The following MSI2 variants were observed in gnomAD, a reference collection of about 807,000 sequenced individuals.
MSI2 encodes RNA-binding protein Musashi homolog 2.
In MSI2, 17 loss-of-function variants were observed where a neutral mutation model predicts 45.6. The ratio of observed to expected loss-of-function variants is 0.37; its 90% CI spans 0.26 to 0.56. MSI2 has a LOEUF of 0.56. Ranked by LOEUF, MSI2 falls within the 20% of genes least tolerant of loss-of-function variation. MSI2 has a pLI of 0.77. For synonymous variants in MSI2, 156 were observed against 158.2 expected, an observed-to-expected ratio of 0.99 and a Z score of 0.11; for missense variants, 293 against 444.2, an observed-to-expected ratio of 0.66 and a Z score of 3.06.
chr17:57,319,163 G>T (rs568282705), intron 5 of MSI2, among the ~76,000 whole-genome samples: 1 of 152,368 alleles, frequency 6.6e-6, no homozygotes, highest in East Asian at 1.9e-4. Context: ...TTAGATGGTT[G>T]TAAAGGAGGT....
At chr17:57,466,588 G>C (rs1006299948) in intron 6 of MSI2, among the ~76,000 whole-genome samples, 2 of 151,464 alleles carry the variant, frequency 1.3e-5, no homozygotes, top group African/African-American at 4.9e-5. Flanking sequence ...TAATCAAAAA[G>C]CTGGTAAATA....
At chr17:57,358,462 T>C (rs191408026) in intron 5 of MSI2, among the ~76,000 whole-genome samples, 11 of 152,242 alleles carry the variant, frequency 7.2e-5, no homozygotes, top group Non-Finnish European at 1.2e-4. Context: ...TATGGACTAA[T>C]GGTCATCCTA....
chr17:57,679,820 C>A lies in MSI2; in HGVS notation c.*303C>A. 4.3e-6 allele frequency: 1 copy of A among 234,388 alleles called. No individual in the cohort carries two copies. Among genetic ancestry groups the A allele is most frequent in the Non-Finnish European group, 8.4e-6 (1 of 119,350 alleles). The allele number at this position is 234,388 out of a possible 1,614,324, so 14.5% of individuals were successfully genotyped here. A position where few individuals can be genotyped will look rare whatever the true frequency, so the allele number is the denominator to read the frequency against. ...CCCTCTCCCTCCCTCTCTTCCCATTCTCCTTTTAAATCTCTTTGAATCACA... is the reference window on the plus strand; with the variant it reads ...CCCTCTCCCTCCCTCTCTTCCCATTATCCTTTTAAATCTCTTTGAATCACA... On this transcript the variant is annotated 3_prime_UTR_variant, in exon 14 of 14. Coordinates refer to ENST00000284073, the MANE Select transcript of MSI2 (RefSeq NM_138962.4).
intron 6 of MSI2, among the ~76,000 whole-genome samples, chr17:57,459,646 G>A (rs1404083564): frequency 6.6e-6 from 1 of 152,188 alleles, no homozygotes; most frequent in African/African-American, 2.4e-5. Context: ...AGGAGGCACA[G>A]CCTTTACTCA....
the MSI2 span, among the ~76,000 whole-genome samples, chr17:57,694,685 T>C: frequency 1.3e-5 from 2 of 152,152 alleles, no homozygotes; most frequent in South Asian, 4.1e-4. Context: ...GATCTGTACA[T>C]CACTCTGTAG....
chr17:57,275,444 G>C (rs1474800478), intron 5 of MSI2, among the ~76,000 whole-genome samples: 1 of 152,212 alleles, frequency 6.6e-6, no homozygotes, highest in African/African-American at 2.4e-5. Context: ...AGTAGGTTTT[G>C]ATCTACAAAC....
At chr17:57,676,717 C>G (rs545766329) in intron 12 of MSI2, among the ~76,000 whole-genome samples, 2 of 152,324 alleles carry the variant, frequency 1.3e-5, no homozygotes, top group Non-Finnish European at 2.9e-5. Flanking sequence ...CACAAACCCC[C>G]GTTTCCCACC....
At chr17:57,341,486 T>C (rs1259280848) in intron 5 of MSI2, among the ~76,000 whole-genome samples, 2 of 152,206 alleles carry the variant, frequency 1.3e-5, no homozygotes, top group Non-Finnish European at 1.5e-5. Flanking sequence ...GGGGACCCTG[T>C]ACCATCTAAG....
chr17:57,585,655 A>G (rs1295104049), intron 7 of MSI2, among the ~76,000 whole-genome samples: 1 of 152,204 alleles, frequency 6.6e-6, no homozygotes, highest in African/African-American at 2.4e-5. Flanking sequence ...AGAGAAGGTG[A>G]CAAATTTGAA....
At chr17:57,691,237 A>ATCTG in the MSI2 span, among the ~76,000 whole-genome samples, 1 of 137,000 alleles carries the variant, frequency 7.3e-6, no homozygotes, top group African/African-American at 2.9e-5. Context: ...CTATCTATCT[A>ATCTG]TCTATATTGC....
At chr17:57,421,950 G>GT (rs1485374032) in intron 6 of MSI2, among the ~76,000 whole-genome samples, 2 of 152,134 alleles carry the variant, frequency 1.3e-5, no homozygotes, top group Non-Finnish European at 2.9e-5. Flanking sequence ...ATGCTGCAGT[G>GT]TTTGACATTT....
At position 57,360,897 on chromosome 17, in the gene MSI2, C is replaced by T. The variant is rs113152901; in HGVS notation, c.313-40482C>T. 2.0e-4 allele frequency among the ~76,000 whole-genome samples: 31 copies of T among 152,316 alleles called. 1 individual carries two copies. Among genetic ancestry groups the T allele is most frequent in the African/African-American group, 7.5e-4 (31 of 41,560 alleles). On this transcript the variant is annotated intron_variant, in intron 5 of 13. Coordinates refer to ENST00000284073, the MANE Select transcript of MSI2 (RefSeq NM_138962.4). ...AGGCTAATTATGGGATGCGTAGATG[C>T]CACATGGTTAAGGTGAAGATGCAGA...
At chr17:57,617,297 C>G (rs1907811007) in intron 9 of MSI2, among the ~76,000 whole-genome samples, 1 of 151,968 alleles carries the variant, frequency 6.6e-6, no homozygotes, top group Non-Finnish European at 1.5e-5. Context: ...TTAAATTGGC[C>G]AGATGTTTCT....
intron 7 of MSI2, among the ~76,000 whole-genome samples, chr17:57,591,438 T>G (rs747161798): frequency 6.6e-6 from 1 of 152,090 alleles, no homozygotes; most frequent in Non-Finnish European, 1.5e-5. Flanking sequence ...ACAAGTAAAA[T>G]ATAAGCCGGT....
chr17:57,624,879 G>A (rs757390599), intron 9 of MSI2, among the ~76,000 whole-genome samples: 3 of 152,174 alleles, frequency 2.0e-5, no homozygotes, highest in Non-Finnish European at 4.4e-5. Flanking sequence ...ATCTTAAGTC[G>A]GGTTGCTGTC....
intron 10 of MSI2, among the ~76,000 whole-genome samples, chr17:57,639,706 C>T (rs76857672): frequency 0.37 from 56,155 of 152,076 alleles, 11,395 homozygotes; most frequent in Non-Finnish European, 0.46. Flanking sequence ...CCCCAGGGCA[C>T]GCCTGGTTTT....
intron 9 of MSI2, among the ~76,000 whole-genome samples, chr17:57,617,597 T>C (rs999425829): frequency 1.3e-5 from 2 of 151,834 alleles, no homozygotes; most frequent in African/African-American, 4.8e-5. Context: ...TTATGTTTTA[T>C]ATCAAAAGAA....
rs1012600645 is a variant in MSI2, at chr17:57,549,306, A to G, written c.454+19582A>G. On this transcript the variant is annotated intron_variant, in intron 7 of 13. Transcript: ENST00000284073. ...TTTGCGAAAACAAGCCCACCTCCCCACTGCCCTTTTTTTTTTTTTTTTTTT... is the reference window on the plus strand; with the variant it reads ...TTTGCGAAAACAAGCCCACCTCCCCGCTGCCCTTTTTTTTTTTTTTTTTTT... Among the ~76,000 whole-genome samples, 21 of 127,654 alleles carry G rather than the reference A, an allele frequency of 1.6e-4. No homozygotes were observed. The East Asian group carries it at 4.3e-3, about 26-fold the overall frequency. 83.7% of individuals were successfully genotyped at this position (127,654 alleles called of 152,430 possible). A position where few individuals can be genotyped will look rare whatever the true frequency, so the allele number is the denominator to read the frequency against.
At chr17:57,295,270 C>T (rs547091521) in intron 5 of MSI2, among the ~76,000 whole-genome samples, 4 of 152,092 alleles carry the variant, frequency 2.6e-5, no homozygotes, top group Non-Finnish European at 4.4e-5. Flanking sequence ...GTGGCCCTGC[C>T]GCCCTGCTTG....
Sources: allele counts gnomAD v4.1 joint callset (sites outside exome capture counted in the v4.1 genomes callset), GRCh38; gene constraint gnomAD v4.1.1; transcripts MANE v1.5; gene names NCBI Gene and HGNC (gene_info 2026-07-23, HGNC 2026-07-21).